The following SLC2A12 variants were observed in gnomAD, a reference collection of about 807,000 sequenced individuals.
SLC2A12 encodes the protein solute carrier family 2 member 12.
In SLC2A12, 23 loss-of-function variants were observed where a neutral mutation model predicts 41.8. The ratio of observed to expected loss-of-function variants is 0.55; its 90% CI spans 0.40 to 0.78. SLC2A12 has a LOEUF of 0.78. Among genes scored for constraint, SLC2A12 ranks in the 30% least tolerant of loss-of-function variants. The pLI, the probability that SLC2A12 is intolerant of heterozygous loss-of-function variation, is 0.00. For synonymous variants in SLC2A12, 295 were observed against 285.9 expected (o/e 1.03, Z -0.32); for missense variants, 654 against 745.6 (o/e 0.88, Z 1.43).
At chr6:134,046,764 C>T (rs1032486781) in intron 1 of SLC2A12, among the ~76,000 whole-genome samples, 32 of 152,076 alleles carry the variant, frequency 2.1e-4, no homozygotes, top group Non-Finnish European at 4.4e-4. Context: ...TGAGCTGAGG[C>T]TATACTCCAG....
At chr6:134,047,743 G>C (rs1409968788) in intron 1 of SLC2A12, among the ~76,000 whole-genome samples, 1 of 152,210 alleles carries the variant, frequency 6.6e-6, no homozygotes, top group Admixed American at 6.5e-5. Context: ...GTGATGTTGA[G>C]AATATTTAAC....
At chr6:134,018,445 T>C (rs1776995658) in intron 2 of SLC2A12, among the ~76,000 whole-genome samples, 1 of 152,066 alleles carries the variant, frequency 6.6e-6, no homozygotes, top group Non-Finnish European at 1.5e-5. Flanking sequence ...CAAAGCCTGG[T>C]CCACATTCAA....
rs1022673428 is a variant in SLC2A12 at position 133,989,917 on chromosome 6, T to A, written c.*1238A>T. On this transcript the variant is annotated 3_prime_UTR_variant, in exon 5 of 5. Transcript: ENST00000275230. ...AGTTAGGTTGTTCGTGCTTTTAAGT[T>A]TTTTGTGTGTCTTCCATCACTTAAA... is the stretch of plus-strand genomic sequence containing the variant. 1 of 152,222 alleles carries A rather than the reference T, an allele frequency of 6.6e-6. No homozygotes were observed. The highest frequency in any genetic ancestry group is 2.4e-5 in the African/African-American group (1 of 41,466). The allele number at this position is 152,222 out of a possible 1,614,324, so 9.4% of individuals were successfully genotyped here. A position where few individuals can be genotyped will look rare whatever the true frequency, so the allele number is the denominator to read the frequency against.
intron 1 of SLC2A12, among the ~76,000 whole-genome samples, chr6:134,045,499 A>G (rs1777445535): frequency 6.6e-6 from 1 of 152,220 alleles, no homozygotes; most frequent in African/African-American, 2.4e-5. Flanking sequence ...CTAGACTTTG[A>G]TAAGTCCCTT....
chr6:134,032,965 C>T (rs570487612), intron 1 of SLC2A12, among the ~76,000 whole-genome samples: 1 of 150,360 alleles, frequency 6.7e-6, no homozygotes, highest in South Asian at 2.1e-4. Flanking sequence ...CAAAACAAAA[C>T]AAAAAAGCAA....
At position 134,032,454 on chromosome 6, in the gene SLC2A12, A is replaced by T. The variant is rs1167765718; in HGVS notation, c.104-2733T>A. Among the ~76,000 whole-genome samples the T allele has an allele frequency of 7.8e-3, 288 of 37,044 alleles. 10 individuals carry two copies. Among genetic ancestry groups the T allele is most frequent in the African/African-American group, 0.029 (249 of 8,656 alleles). The allele number at this position is 37,044 out of a possible 152,430, so 24.3% of individuals were successfully genotyped here. A position where few individuals can be genotyped will look rare whatever the true frequency, so the allele number is the denominator to read the frequency against. On this transcript the variant is annotated intron_variant, in intron 1 of 4. Transcript: ENST00000275230. ...TATATATATATATATATATAAATATATATATATATATTTTTATATATATAT... is the reference window on the plus strand; with the variant it reads ...TATATATATATATATATATAAATATTTATATATATATTTTTATATATATAT...
At chr6:134,006,184 A>C (rs987578026) in intron 3 of SLC2A12, among the ~76,000 whole-genome samples, 4 of 140,610 alleles carry the variant, frequency 2.8e-5, no homozygotes, top group Middle Eastern at 3.6e-3. Flanking sequence ...CGGAAAAAAA[A>C]AAAAAAAACA....
chr6:134,006,231 A>G (rs1776815321), intron 3 of SLC2A12, among the ~76,000 whole-genome samples: 1 of 151,214 alleles, frequency 6.6e-6, no homozygotes, highest in East Asian at 1.9e-4. Flanking sequence ...GGCACGTGAC[A>G]TGACTATAAT....
At chr6:134,048,628 AGTAGACACAATCATT>A (rs1205447235) in intron 1 of SLC2A12, among the ~76,000 whole-genome samples, 1 of 152,252 alleles carries the variant, frequency 6.6e-6, no homozygotes, top group Non-Finnish European at 1.5e-5. Flanking sequence ...TACGTATCAC[AGTAGACACAATCATT>A]GTTATCAGAT....
At chr6:134,032,181 AGGCTATG>A in intron 1 of SLC2A12, among the ~76,000 whole-genome samples, 1 of 152,030 alleles carries the variant, frequency 6.6e-6, no homozygotes, top group African/African-American at 2.4e-5. Flanking sequence ...GGATCCTAGT[AGGCTATG>A]GGAATTGGCA....
intron 2 of SLC2A12, among the ~76,000 whole-genome samples, chr6:134,016,174 C>T (rs1776959427): frequency 6.6e-6 from 1 of 151,952 alleles, no homozygotes; most frequent in African/African-American, 2.4e-5. Flanking sequence ...TTGTTGTAGG[C>T]TGCATAATAA....
chr6:134,003,010 G>C (rs1162418874), intron 3 of SLC2A12, among the ~76,000 whole-genome samples: 1 of 152,212 alleles, frequency 6.6e-6, no homozygotes, highest in Non-Finnish European at 1.5e-5. Flanking sequence ...AGAATGTCTA[G>C]TGTGGCAAGG....
At chr6:133,993,235 G>T (rs1776646510) in intron 4 of SLC2A12, among the ~76,000 whole-genome samples, 1 of 152,098 alleles carries the variant, frequency 6.6e-6, no homozygotes, top group Non-Finnish European at 1.5e-5. Context: ...TAAGCTGATG[G>T]CCACCCACAT....
At chr6:134,006,193 C>CAAAAAA (rs571711008) in intron 3 of SLC2A12, among the ~76,000 whole-genome samples, 1 of 121,604 alleles carries the variant, frequency 8.2e-6, no homozygotes, top group East Asian at 2.4e-4. Flanking sequence ...AAAAAAAAAA[C>CAAAAAA]AAAAAAAAAA....
chr6:134,027,967 AC>A (rs1777137070), intron 2 of SLC2A12, among the ~76,000 whole-genome samples: 1 of 152,294 alleles, frequency 6.6e-6, no homozygotes, highest in South Asian at 2.1e-4. Context: ...GAATGCATCC[AC>A]TATTGTGTCT....
In SLC2A12 at chr6:134,002,063, A is replaced by G; in HGVS notation, c.1634T>C (p.Val545Ala). 6.2e-7 allele frequency: 1 copy of G among 1,604,340 alleles called. No individual in the cohort carries two copies. Among genetic ancestry groups the G allele is most frequent in the South Asian group, 1.1e-5 (1 of 89,064 alleles). ...TIMSLASLLF[V>A]VMFIPETKGC... is the part of the protein sequence containing the mutation. Reference sequence around the variant, plus strand: ...CTTTGTCTCAGGTATAAACATAACAACAAAAAGCAGGGATGCTAGACTCAT... The same window carrying G: ...CTTTGTCTCAGGTATAAACATAACAGCAAAAAGCAGGGATGCTAGACTCAT... Residue 545 changes from valine to alanine, a missense_variant, in exon 4 of 5, where the codon GTT becomes GCT. Physicochemically the swap from Val to Ala is moderately conservative, Grantham distance 64. Coordinates refer to ENST00000275230, the MANE Select transcript of SLC2A12 (RefSeq NM_145176.3).
rs58295985 is a variant in SLC2A12, at chr6:133,997,085, CAAAA to C, written c.1700+4908_1700+4911del. On this transcript the variant is annotated intron_variant, in intron 4 of 4. Coordinates refer to ENST00000275230, the MANE Select transcript of SLC2A12 (RefSeq NM_145176.3). ...TGAAACCCCGTCTCTACTAAAAATA[CAAAA>C]AAAAAAAAAAAAAAAAAAAAAGCCG... Among the ~76,000 whole-genome samples the C allele has an allele frequency of 5.0e-3, 354 of 70,704 alleles. 2 individuals are homozygous for C. Among genetic ancestry groups the C allele is most frequent in the African/African-American group, 0.018 (325 of 18,162 alleles). The allele number at this position is 70,704 out of a possible 152,430, so 46.4% of individuals were successfully genotyped here.
In SLC2A12 at chr6:134,029,393, G is replaced by A. The variant is rs148150371; in HGVS notation, c.432C>T (p.Ile144=). Residue 144 remains isoleucine, a synonymous_variant, in exon 2 of 5, where the codon ATC becomes ATT. Coordinates refer to ENST00000275230, the MANE Select transcript of SLC2A12 (RefSeq NM_145176.3). ...CACAAGTGGCAATGGAAGAGAGGGA[G>A]ATGGAGACCCCTATGGCAATGCGTC... ...IVGRIAIGVS[I]SLSSIATCVY... The A allele has an allele frequency of 4.4e-5, 71 of 1,614,194 alleles. No homozygotes were observed. The African/African-American group carries it at 8.1e-4, about 18-fold the overall frequency.
chr6:133,998,513 G>T (rs141628242), intron 4 of SLC2A12, among the ~76,000 whole-genome samples: 273 of 152,124 alleles, frequency 1.8e-3, no homozygotes, highest in African/African-American at 6.4e-3. Context: ...AGTTATTTTT[G>T]TTCACAATAA....
Sources: gnomAD v4.1 joint callset for allele counts (sites outside exome capture counted in the v4.1 genomes callset) on GRCh38, gnomAD v4.1.1 for gene constraint, MANE v1.5 for transcripts, NCBI Gene and HGNC (gene_info 2026-07-23, HGNC 2026-07-21) for gene names.